The following TRIM3 variants were observed in gnomAD, a reference collection of about 807,000 sequenced individuals.
TRIM3 encodes the protein tripartite motif containing 3.
TRIM3 carries 13 observed loss-of-function variants against 66.6 expected under a neutral mutation model. The ratio of observed to expected loss-of-function variants is 0.20; its 90% CI spans 0.13 to 0.31. The LOEUF (loss-of-function observed/expected upper bound fraction) is 0.31. Ranked by LOEUF, TRIM3 falls within the 10% of genes least tolerant of loss-of-function variation. The pLI is 1.00. For synonymous variants in TRIM3, 406 were observed against 411.7 expected (o/e 0.99, Z 0.17); for missense variants, 711 against 1,020.4 (o/e 0.70, Z 4.13).
intron 7 of TRIM3, among the ~76,000 whole-genome samples, chr11:6,453,527 A>G (rs1849826690): frequency 6.6e-6 from 1 of 152,324 alleles, no homozygotes; most frequent in East Asian, 1.9e-4. Flanking sequence ...AAACAAAACC[A>G]GACAAAAACA....
At position 6,457,880 on chromosome 11, in the gene TRIM3, T is replaced by C. The variant is rs1850067479; in HGVS notation, c.364-33A>G. On this transcript the variant is annotated intron_variant, in intron 3 of 11. Transcript: ENST00000345851. The surrounding 1 kb of genome is among the most constrained non-coding windows in gnomAD (Gnocchi z 4.5). ...ACAAGGACTCCAGTCGGGTAATGGC[T>C]AGACATCACACTTCTTTGTCCCCTC... 1 of 1,612,956 alleles carries C rather than the reference T, an allele frequency of 6.2e-7. No homozygotes were observed. The highest frequency in any genetic ancestry group is 8.5e-7 in the Non-Finnish European group (1 of 1,179,180).
chr11:6,457,409 C>T lies in TRIM3; in HGVS notation c.583G>A (p.Ala195Thr). The change falls in exon 5 of 12, where the codon GCA (alanine) becomes ACA (threonine). Residue 195 changes from alanine to threonine, a missense_variant. Coordinates refer to ENST00000345851, the MANE Select transcript of TRIM3 (RefSeq NM_033278.4). The surrounding 1 kb of genome is among the most constrained non-coding windows in gnomAD (Gnocchi z 4.5). ...GCACTGATCTGGGCCAGGGCCTCTG[C>T]CTTGCGCTCCTGCAGCTGCTGGCTG... ...GISQQLQERK[A>T]EALAQISAAF... The T allele has an allele frequency of 6.2e-7, 1 of 1,613,636 alleles. No homozygotes were observed. Among genetic ancestry groups the T allele is most frequent in the Non-Finnish European group, 8.5e-7 (1 of 1,179,850 alleles).
At position 6,464,878 on chromosome 11, in the gene TRIM3, T is replaced by G. The variant is rs1023099416; in HGVS notation, c.131+687A>C. Among the ~76,000 whole-genome samples, 4 of 149,160 alleles carry G rather than the reference T, an allele frequency of 2.7e-5. No individual in the cohort carries two copies. In the Admixed American group the frequency reaches 2.7e-4, roughly 10 times the overall value. ...GGCGTGCGCCTGTAGTCCCAGCTAC[T>G]CCGGAGGCTGAGGCAGGAGAATTGG... On this transcript the variant is annotated intron_variant, in intron 2 of 11. Transcript: ENST00000345851.
chr11:6,456,828 G>A lies in TRIM3; in HGVS notation c.898C>T (p.Leu300Phe). ...GATCGCCGCAGACCGTCCACCTCAA[G>A]GACCAGTTCCAGCTGTGCATTCTCA... ...PHENAQLELV[L>F]EVDGLRRSVL... Residue 300 changes from leucine to phenylalanine, a missense_variant, in exon 6 of 12, where the codon CTT becomes TTT. Coordinates refer to ENST00000345851, the MANE Select transcript of TRIM3 (RefSeq NM_033278.4). This position sits in a 1 kb window ranked among gnomAD's most constrained non-coding sequence, Gnocchi z 6.4. 6.2e-7 allele frequency: 1 copy of A among 1,613,010 alleles called. No homozygotes were observed.
chr11:6,456,318 C>T lies in TRIM3; in HGVS notation c.1408G>A (p.Asp470Asn). 6.4e-7 allele frequency: 1 copy of T among 1,550,596 alleles called. No individual in the cohort carries two copies. The highest frequency in any genetic ancestry group is 8.7e-7 in the Non-Finnish European group (1 of 1,144,456). ...GGKRKDNPIE[D>N]ELVFRVGSRG... ...GTACCAACACGGAAGACGAGCTCAT[C>T]CTCAATTGGGTTGTCCTTTCGTTTG... The change falls in exon 6 of 12, where the codon GAT becomes AAT. Residue 470 changes from aspartate (D) to asparagine (N), a missense_variant. Asp to Asn is a conservative substitution (Grantham distance 23). Coordinates refer to ENST00000345851, the MANE Select transcript of TRIM3 (RefSeq NM_033278.4). This position sits in a 1 kb window ranked among gnomAD's most constrained non-coding sequence, Gnocchi z 6.4.
chr11:6,465,699 G>T lies in TRIM3; in HGVS notation c.-4C>A, dbSNP rs370579436. ...GGCTGTCCTCCCTCTTTGCCATGGCGCCCACAGATGGCTCCCGCCACTCAC... is the reference window on the plus strand; with the variant it reads ...GGCTGTCCTCCCTCTTTGCCATGGCTCCCACAGATGGCTCCCGCCACTCAC... On this transcript the variant is annotated 5_prime_UTR_variant, in exon 2 of 12. Transcript: ENST00000345851. The T allele has an allele frequency of 6.2e-7, 1 of 1,612,336 alleles. No homozygotes were observed. Among genetic ancestry groups the T allele is most frequent in the African/African-American group, 1.3e-5 (1 of 74,878 alleles).
Position 6,450,581 on chromosome 11 carries a change from T to C in TRIM3, c.1911A>G (p.Val637=), listed in dbSNP as rs758603484. Residue 637 remains valine (V), a synonymous_variant, in exon 10 of 12, where the codon GTA becomes GTG. Coordinates refer to ENST00000345851, the MANE Select transcript of TRIM3 (RefSeq NM_033278.4). This position sits in a 1 kb window ranked among gnomAD's most constrained non-coding sequence, Gnocchi z 4.8. ...FVAVNNKNEI[V]VTDFHNHSVK... The stretch of plus-strand genomic sequence containing the variant: ...CTGAATGGTTATGGAAGTCCGTTAC[T>C]ACAATTTCATTCTTGTTGTTCACAG... The C allele has an allele frequency of 3.1e-6, 5 of 1,614,222 alleles. No individual in the cohort carries two copies. The highest frequency in any genetic ancestry group is 4.2e-6 in the Non-Finnish European group (5 of 1,180,040).
chr11:6,463,982 G>T (rs1465650447), intron 2 of TRIM3, among the ~76,000 whole-genome samples: 1 of 152,218 alleles, frequency 6.6e-6, no homozygotes, highest in Non-Finnish European at 1.5e-5. Context: ...GCAGAGCCAG[G>T]TTTCCGTTGG....
chr11:6,456,015 G>T lies in TRIM3; in HGVS notation c.1533+57C>A. ...ACCTGTACATTCTATCTTTTCAGTAGCCTGTAGCTTGAAAACTCTTATTTT... is the reference window on the plus strand; with the variant it reads ...ACCTGTACATTCTATCTTTTCAGTATCCTGTAGCTTGAAAACTCTTATTTT... On this transcript the variant is annotated intron_variant, in intron 7 of 11. Coordinates refer to ENST00000345851, the MANE Select transcript of TRIM3 (RefSeq NM_033278.4). The surrounding 1 kb of genome is among the most constrained non-coding windows in gnomAD (Gnocchi z 6.4). 1 of 1,522,796 alleles carries T rather than the reference G, an allele frequency of 6.6e-7. No individual in the cohort carries two copies. The highest frequency in any genetic ancestry group is 9.1e-7 in the Non-Finnish European group (1 of 1,097,750). 94.3% of individuals were successfully genotyped at this position (1,522,796 alleles called of 1,614,324 possible). A position where few individuals can be genotyped will look rare whatever the true frequency, so the allele number is the denominator to read the frequency against.
rs1428959411 is a variant in TRIM3 at position 6,448,764 on chromosome 11, G to C, written c.*264C>G. The stretch of plus-strand genomic sequence containing the variant: ...GGGGATGGGGAGCAGACTGACAGGG[G>C]TGGGGAGGTGTGTAAGAAGGGTAGG... On this transcript the variant is annotated 3_prime_UTR_variant, in exon 12 of 12. Transcript: ENST00000345851. 1.6e-6 allele frequency: 1 copy of C among 613,586 alleles called. No individual in the cohort carries two copies. The highest frequency in any genetic ancestry group is 2.9e-6 in the Non-Finnish European group (1 of 344,956). 38.0% of individuals were successfully genotyped at this position (613,586 alleles called of 1,614,324 possible).
rs771149059 is a variant in TRIM3, at chr11:6,449,387, C to T, written c.2001G>A (p.Gly667=). ...CTACTCCTGTGGGGGCATTGAACTG[C>T]CCATTGCCCTCGCCATGGGAGCCAA... ...FKFGSHGEGN[G]QFNAPTGVAV... Residue 667 remains glycine, a synonymous_variant, in exon 11 of 12, where the codon GGG becomes GGA. Coordinates refer to ENST00000345851, the MANE Select transcript of TRIM3 (RefSeq NM_033278.4). The surrounding 1 kb of genome is among the most constrained non-coding windows in gnomAD (Gnocchi z 5.3). The T allele has an allele frequency of 6.2e-7, 1 of 1,613,936 alleles. No homozygotes were observed. The highest frequency in any genetic ancestry group is 1.1e-5 in the South Asian group (1 of 91,088).
intron 2 of TRIM3, among the ~76,000 whole-genome samples, chr11:6,460,769 C>G (rs1850193087): frequency 6.6e-6 from 1 of 152,154 alleles, no homozygotes; most frequent in Admixed American, 6.5e-5. Context: ...AATCTCAACT[C>G]TTAATGTTTC....
chr11:6,457,636 G>A lies in TRIM3; in HGVS notation c.515+60C>T, dbSNP rs905286456. Reference sequence around the variant, plus strand: ...TCCCAGACCCTTTATTCCCCTCCCCGCCCGAGCTAAGACACCATCCCTGTG... The same window carrying A: ...TCCCAGACCCTTTATTCCCCTCCCCACCCGAGCTAAGACACCATCCCTGTG... On this transcript the variant is annotated intron_variant, in intron 4 of 11. Coordinates refer to ENST00000345851, the MANE Select transcript of TRIM3 (RefSeq NM_033278.4). This position sits in a 1 kb window ranked among gnomAD's most constrained non-coding sequence, Gnocchi z 4.5. The A allele has an allele frequency of 1.2e-4, 192 of 1,569,676 alleles. No homozygotes were observed. The highest frequency in any genetic ancestry group is 1.2e-4 in the Non-Finnish European group (140 of 1,154,062).
intron 7 of TRIM3, chr11:6,453,048 C>G (rs1009445064): frequency 6.6e-6 from 1 of 152,228 alleles, no homozygotes; most frequent in Non-Finnish European, 1.5e-5. Flanking sequence ...AGCTAAATAA[C>G]TGTTAAATAT....
Position 6,457,941 on chromosome 11 carries a change from C to T in TRIM3, c.364-94G>A, listed in dbSNP as rs1589830377. On this transcript the variant is annotated intron_variant, in intron 3 of 11. Transcript: ENST00000345851. The surrounding 1 kb of genome is among the most constrained non-coding windows in gnomAD (Gnocchi z 4.5). ...CTCCCTGCCCCTCACCTTCTAAGTG[C>T]ACCCCCTACCTGGACCACTAATCCA... The T allele has an allele frequency of 6.4e-7, 1 of 1,563,058 alleles. No homozygotes were observed. The highest frequency in any genetic ancestry group is 1.2e-5 in the South Asian group (1 of 83,846).
intron 7 of TRIM3, chr11:6,453,023 C>A (rs1849796954): frequency 6.6e-6 from 1 of 152,234 alleles, no homozygotes; most frequent in Non-Finnish European, 1.5e-5. Context: ...CTCTTCATAA[C>A]AATTATCACT....
In TRIM3 at chr11:6,449,446, C is replaced by T; in HGVS notation, c.1942G>A (p.Val648Met). The part of the protein sequence containing the change: ...VTDFHNHSVK[V>M]YSADGEFLFK... The stretch of plus-strand genomic sequence containing the variant: ...AGGAACTCTCCATCGGCACTGTACA[C>T]CTGGCGGGGGAAGGGGCTAGGGACT... Residue 648 changes from valine to methionine, a missense_variant and splice_region_variant, in exon 11 of 12, where the codon GTG becomes ATG. By Grantham distance (21) the Val-to-Met change is conservative. Transcript: ENST00000345851. This position sits in a 1 kb window ranked among gnomAD's most constrained non-coding sequence, Gnocchi z 5.3. The T allele has an allele frequency of 6.2e-7, 1 of 1,612,954 alleles. No homozygotes were observed. Among genetic ancestry groups the T allele is most frequent in the South Asian group, 1.1e-5 (1 of 90,896 alleles).
At chr11:6,454,973 C>A (rs1157369802) in intron 7 of TRIM3, among the ~76,000 whole-genome samples, 1 of 152,126 alleles carries the variant, frequency 6.6e-6, no homozygotes, top group Non-Finnish European at 1.5e-5. Context: ...TAGAAACAAT[C>A]CCCTATAGGA....
intron 1 of TRIM3, among the ~76,000 whole-genome samples, chr11:6,466,318 C>A (rs1438018780): frequency 6.6e-6 from 1 of 152,202 alleles, no homozygotes; most frequent in Non-Finnish European, 1.5e-5. Flanking sequence ...AGTTACTACC[C>A]CTAATTCAGG....
Sources: allele counts gnomAD v4.1 joint callset (sites outside exome capture counted in the v4.1 genomes callset), GRCh38; gene constraint gnomAD v4.1.1; non-coding constraint Gnocchi (gnomAD v3.1); transcripts MANE v1.5; gene names NCBI Gene and HGNC (gene_info 2026-07-23, HGNC 2026-07-21).